ZNF33A: variants seen among roughly 807,000 people sequenced by gnomAD.
ZNF33A encodes brain my041 protein.
Under a neutral mutation model 15.9 loss-of-function variants are expected in ZNF33A, and 9 were observed. The ratio of observed to expected loss-of-function variants is 0.57; its 90% CI spans 0.34 to 0.99. The LOEUF (loss-of-function observed/expected upper bound fraction) is 0.99, where lower values mean the gene tolerates loss of function less well. ZNF33A is among the 50% of genes least tolerant of loss of function. The probability of loss-of-function intolerance (pLI) is 0.02; values close to 1 mark genes in which losing one functional copy is unlikely to be tolerated. For missense variants in ZNF33A, 843 were observed against 941.6 expected, an observed-to-expected ratio of 0.90 and a Z score of 1.37; for synonymous variants, 294 against 324.2, an observed-to-expected ratio of 0.91 and a Z score of 1.00.
intron 4 of ZNF33A, among the ~76,000 whole-genome samples, chr10:38,036,333 A>C (rs964022752): frequency 2.0e-5 from 3 of 152,134 alleles, no homozygotes; most frequent in African/African-American, 7.2e-5. Flanking sequence ...GCTCCTCTGA[A>C]GGCTGAGGCA....
intron 4 of ZNF33A, among the ~76,000 whole-genome samples, chr10:38,019,811 T>C (rs2064656138): frequency 6.6e-6 from 1 of 152,070 alleles, no homozygotes; most frequent in African/African-American, 2.4e-5. Flanking sequence ...TTGGCAAAAA[T>C]AGGGATAAAT....
chr10:38,049,213 A>G (rs940633802), intron 4 of ZNF33A, among the ~76,000 whole-genome samples: 2 of 152,176 alleles, frequency 1.3e-5, no homozygotes, highest in African/African-American at 4.8e-5. Flanking sequence ...GAAATTAGAA[A>G]GTATTTTGAA....
rs1188442840 is a variant in ZNF33A, at chr10:38,057,277, T to A, written c.*717T>A. The A allele has an allele frequency of 1.0e-6, 1 of 985,034 alleles. No homozygotes were observed. The highest frequency in any genetic ancestry group is 1.2e-6 in the Non-Finnish European group (1 of 829,660). The allele number at this position is 985,034 out of a possible 1,614,324, so 61.0% of individuals were successfully genotyped here. On this transcript the variant is annotated 3_prime_UTR_variant, in exon 5 of 5. Coordinates refer to ENST00000432900, the MANE Select transcript of ZNF33A (RefSeq NM_006954.2). ...GATTTAGCCTCAAGTAGTTCCCTTTTTGTATTAATAACCACACGCTTTCTG... is the reference window on the plus strand; with the variant it reads ...GATTTAGCCTCAAGTAGTTCCCTTTATGTATTAATAACCACACGCTTTCTG...
chr10:38,054,790 T>C lies in ZNF33A; in HGVS notation c.666T>C (p.Ser222=). 2 of 1,613,598 alleles carry C rather than the reference T, an allele frequency of 1.2e-6. No homozygotes were observed. Among genetic ancestry groups the C allele is most frequent in the South Asian group, 2.2e-5 (2 of 91,076 alleles). ...CTTTAGAGCACAATTTTGAATACAGTATATGTCAGGAAACCCTCCTTGAAA... is the reference window on the plus strand; with the variant it reads ...CTTTAGAGCACAATTTTGAATACAGCATATGTCAGGAAACCCTCCTTGAAA... The part of the protein sequence containing the change: ...IQTLEHNFEY[S]ICQETLLEKA... The change falls in exon 5 of 5, where the codon AGT becomes AGC. Residue 222 remains serine, a synonymous_variant. Coordinates refer to ENST00000432900, the MANE Select transcript of ZNF33A (RefSeq NM_006954.2).
downstream of ZNF33A, among the ~76,000 whole-genome samples, chr10:38,067,613 ACT>A (rs1247069824): frequency 6.6e-6 from 1 of 152,080 alleles, no homozygotes; most frequent in Admixed American, 6.6e-5. Flanking sequence ...CCCAGTGGTC[ACT>A]CTGTGTTTGT....
chr10:38,043,492 TATA>T (rs1190919454), intron 4 of ZNF33A, among the ~76,000 whole-genome samples: 3 of 135,804 alleles, frequency 2.2e-5, no homozygotes, highest in Non-Finnish European at 4.7e-5. Flanking sequence ...AAACTTAAAG[TATA>T]ATAATAATAA....
At chr10:38,054,041 T>C (rs942013002) in intron 4 of ZNF33A, among the ~76,000 whole-genome samples, 8 of 152,222 alleles carry the variant, frequency 5.3e-5, no homozygotes, top group Admixed American at 2.6e-4. Flanking sequence ...GCTCCACTTA[T>C]GGTGACCTTT....
rs188955286 is a variant in ZNF33A, at chr10:38,026,098, T to C, written c.250+8712T>C. 1.3e-3 allele frequency among the ~76,000 whole-genome samples: 198 copies of C among 152,356 alleles called. 2 individuals carry two copies. Among genetic ancestry groups the C allele is most frequent in the Admixed American group, 2.7e-3 (41 of 15,300 alleles). On this transcript the variant is annotated intron_variant, in intron 4 of 4. Coordinates refer to ENST00000432900, the MANE Select transcript of ZNF33A (RefSeq NM_006954.2). Reference sequence around the variant, plus strand: ...GCTTTCAACTGTATTGTAACAAGTATCAAGACTTTCTTTTCTGGCTGTTTA... The same window carrying C: ...GCTTTCAACTGTATTGTAACAAGTACCAAGACTTTCTTTTCTGGCTGTTTA...
chr10:38,067,585 G>A (rs182788920), downstream of ZNF33A, among the ~76,000 whole-genome samples: 26 of 152,248 alleles, frequency 1.7e-4, no homozygotes, highest in African/African-American at 4.6e-4. Flanking sequence ...TGTTGATACC[G>A]GGTTCAAGGT....
At chr10:38,027,097 A>G (rs1480285877) in intron 4 of ZNF33A, among the ~76,000 whole-genome samples, 1 of 152,108 alleles carries the variant, frequency 6.6e-6, no homozygotes, top group African/African-American at 2.4e-5. Context: ...TGCCATGACC[A>G]CACTGTTTGG....
chr10:38,012,822 G>A (rs1420476262), intron 2 of ZNF33A, among the ~76,000 whole-genome samples: 1 of 152,176 alleles, frequency 6.6e-6, no homozygotes, highest in Non-Finnish European at 1.5e-5. Flanking sequence ...GCAGGGCCAA[G>A]TTAGAGTCAA....
Position 38,055,012 on chromosome 10 carries a change from A to T in ZNF33A, c.888A>T (p.Val296=). The T allele has an allele frequency of 6.2e-7, 1 of 1,614,144 alleles. No individual in the cohort carries two copies. The highest frequency in any genetic ancestry group is 8.5e-7 in the Non-Finnish European group (1 of 1,180,000). Residue 296 remains valine, a synonymous_variant, in exon 5 of 5, where the codon GTA becomes GTT. Transcript: ENST00000432900. ...VKSTLSKPHG[V]SMKHYDCGES... Reference sequence around the variant, plus strand: ...CCACCCTTTCTAAACCTCATGGGGTATCTATGAAACACTATGATTGTGGTG... The same window carrying T: ...CCACCCTTTCTAAACCTCATGGGGTTTCTATGAAACACTATGATTGTGGTG...
chr10:38,057,136 G>T lies in ZNF33A; in HGVS notation c.*576G>T. The T allele has an allele frequency of 1.3e-6, 1 of 768,104 alleles. No homozygotes were observed. Among genetic ancestry groups the T allele is most frequent in the Non-Finnish European group, 1.6e-6 (1 of 631,080 alleles). 47.6% of individuals were successfully genotyped at this position (768,104 alleles called of 1,614,324 possible). On this transcript the variant is annotated 3_prime_UTR_variant, in exon 5 of 5. Transcript: ENST00000432900. ...TCTGTGTGTGTGTGTACGTGTATGT[G>T]TGTGTGTGTGGTTATATCAAACTTT...
chr10:38,027,986 T>C (rs2065053442), intron 4 of ZNF33A, among the ~76,000 whole-genome samples: 1 of 152,122 alleles, frequency 6.6e-6, no homozygotes, highest in African/African-American at 2.4e-5. Context: ...ATCATGATTT[T>C]AAAAAATCTA....
At chr10:38,037,278 A>C (rs1313444494) in intron 4 of ZNF33A, among the ~76,000 whole-genome samples, 6 of 152,012 alleles carry the variant, frequency 3.9e-5, no homozygotes, top group Non-Finnish European at 8.8e-5. Context: ...ATTGTTTTGC[A>C]TACAAATATT....
chr10:38,042,290 A>G (rs1192710133), intron 4 of ZNF33A, among the ~76,000 whole-genome samples: 1 of 150,992 alleles, frequency 6.6e-6, no homozygotes, highest in Non-Finnish European at 1.5e-5. Context: ...GGTTCAAGCG[A>G]TTCTCCTGTC....
chr10:38,024,200 C>T (rs2064884922), intron 4 of ZNF33A, among the ~76,000 whole-genome samples: 1 of 149,158 alleles, frequency 6.7e-6, no homozygotes, highest in South Asian at 2.1e-4. Context: ...GTAAACCTCC[C>T]AGAAAGAATG....
At chr10:38,043,269 T>C (rs2065788159) in intron 4 of ZNF33A, among the ~76,000 whole-genome samples, 1 of 149,156 alleles carries the variant, frequency 6.7e-6, no homozygotes, top group East Asian at 2.0e-4. Context: ...ACACAGCATG[T>C]TCTCACTCAC....
At position 38,056,640 on chromosome 10, in the gene ZNF33A, T is replaced by C. The variant is rs2066500011; in HGVS notation, c.*80T>C. 2.7e-6 allele frequency: 4 copies of C among 1,476,792 alleles called. No individual in the cohort carries two copies. The Admixed American group carries it at 7.4e-5, about 27-fold the overall frequency. 91.5% of individuals were successfully genotyped at this position (1,476,792 alleles called of 1,614,324 possible). A position where few individuals can be genotyped will look rare whatever the true frequency, so the allele number is the denominator to read the frequency against. Reference sequence around the variant, plus strand: ...TAGACTACAACAATTATAGGACAGCTTTTGTTAGGAAGTGATATTCTATGT... The same window carrying C: ...TAGACTACAACAATTATAGGACAGCCTTTGTTAGGAAGTGATATTCTATGT... On this transcript the variant is annotated 3_prime_UTR_variant, in exon 5 of 5. Coordinates refer to ENST00000432900, the MANE Select transcript of ZNF33A (RefSeq NM_006954.2).
Sources: gnomAD v4.1 joint callset for allele counts (sites outside exome capture counted in the v4.1 genomes callset) on GRCh38, gnomAD v4.1.1 for gene constraint, MANE v1.5 for transcripts, NCBI Gene and HGNC (gene_info 2026-07-23, HGNC 2026-07-21) for gene names.